SCCPDH: variants seen among roughly 807,000 people sequenced by gnomAD.
SCCPDH encodes saccharopine dehydrogenase (putative).
Under a neutral mutation model 51.5 loss-of-function variants are expected in SCCPDH, and 34 were observed. That is an observed-to-expected ratio of 0.66 (90% CI 0.50 to 0.88). SCCPDH has a LOEUF of 0.88. SCCPDH is among the 40% of genes least tolerant of loss of function. The pLI, the probability that SCCPDH is intolerant of heterozygous loss-of-function variation, is 0.00. For synonymous variants in SCCPDH, 187 were observed against 191.3 expected, an observed-to-expected ratio of 0.98 and a Z score of 0.19; for missense variants, 464 against 527.1, an observed-to-expected ratio of 0.88 and a Z score of 1.17.
intron 3 of SCCPDH, 40 bp from the exon 4 acceptor site, chr1:246,740,132 T>C: frequency 6.7e-7 from 1 of 1,493,010 alleles, no homozygotes; most frequent in Non-Finnish European, 9.1e-7. Context: ...TCTACATCTT[T>C]CTGCATAACT....
At chr1:246,726,683 C>T (rs537029578) in intron 1 of SCCPDH, among the ~76,000 whole-genome samples, 5 of 152,238 alleles carry the variant, frequency 3.3e-5, no homozygotes, top group African/African-American at 9.6e-5. Flanking sequence ...TTTTTAGTAA[C>T]TCTTAGTGTT....
chr1:246,759,903 C>G, intron 7 of SCCPDH, 54 bp from the exon 8 acceptor site: 2 of 1,565,086 alleles, frequency 1.3e-6, no homozygotes, highest in Non-Finnish European at 1.7e-6. Context: ...AACATTCTTA[C>G]TTGGTCCAAA....
chr1:246,758,330 G>T lies in SCCPDH; in HGVS notation c.669G>T (p.Pro223=), dbSNP rs373469030. 1.2e-6 allele frequency: 2 copies of T among 1,605,320 alleles called. No individual in the cohort carries two copies. The highest frequency in any genetic ancestry group is 1.7e-6 in the Non-Finnish European group (2 of 1,176,346). ...LRNVSNLKPV[P]LIGPKLKRRW... is the part of the protein sequence containing the mutation. ...ATGTATCAAATCTGAAACCTGTCCCGCTCATTGGTCCAAAATTGAAGAGAA... is the reference window on the plus strand; with the variant it reads ...ATGTATCAAATCTGAAACCTGTCCCTCTCATTGGTCCAAAATTGAAGAGAA... Residue 223 remains proline (P), a synonymous_variant, in exon 6 of 12, where the codon CCG becomes CCT. Coordinates refer to ENST00000366510, the MANE Select transcript of SCCPDH (RefSeq NM_016002.3).
chr1:246,732,463 C>T (rs187311474), intron 2 of SCCPDH, among the ~76,000 whole-genome samples: 21 of 152,134 alleles, frequency 1.4e-4, no homozygotes, highest in Non-Finnish European at 2.5e-4. Flanking sequence ...TCTAGGCTCA[C>T]TGCAACCTCC....
At position 246,767,343 on chromosome 1, in the gene SCCPDH, C is replaced by G; in HGVS notation, c.*43C>G. The stretch of plus-strand genomic sequence containing the variant: ...TGAAGTCATAACGTGCGTGAATTAA[C>G]AGCTTCTCTATTTGATATTTGAAAT... On this transcript the variant is annotated 3_prime_UTR_variant, in exon 12 of 12. Coordinates refer to ENST00000366510, the MANE Select transcript of SCCPDH (RefSeq NM_016002.3). 8.7e-7 allele frequency: 1 copy of G among 1,152,014 alleles called. No individual in the cohort carries two copies. Among genetic ancestry groups the G allele is most frequent in the Non-Finnish European group, 1.2e-6 (1 of 815,292 alleles). The allele number at this position is 1,152,014 out of a possible 1,614,324, so 71.4% of individuals were successfully genotyped here.
chr1:246,749,419 G>A (rs1668818387), intron 5 of SCCPDH, among the ~76,000 whole-genome samples: 1 of 152,174 alleles, frequency 6.6e-6, no homozygotes, highest in Admixed American at 6.5e-5. Context: ...GAACTTAGAC[G>A]AGGGAGAAGG....
intron 4 of SCCPDH, among the ~76,000 whole-genome samples, chr1:246,742,878 A>G (rs1668701017): frequency 1.3e-5 from 2 of 152,200 alleles, no homozygotes; most frequent in South Asian, 4.1e-4. Context: ...ATGCCTGTAT[A>G]TTAGTCTTCA....
intron 5 of SCCPDH, among the ~76,000 whole-genome samples, chr1:246,754,854 C>A (rs1207644884): frequency 6.6e-6 from 1 of 151,946 alleles, no homozygotes; most frequent in Non-Finnish European, 1.5e-5. Context: ...GTCTGTCTAG[C>A]CAAAATGTGT....
At chr1:246,757,542 A>G (rs1180294427) in intron 5 of SCCPDH, among the ~76,000 whole-genome samples, 4 of 152,142 alleles carry the variant, frequency 2.6e-5, no homozygotes, top group Non-Finnish European at 5.9e-5. Flanking sequence ...AATAAATGAG[A>G]GTCTGAGTAA....
chr1:246,724,522 C>A lies in SCCPDH; in HGVS notation c.100C>A (p.Pro34Thr), dbSNP rs529088598. Reference sequence around the variant, plus strand: ...GGAGGTGGCCCGGGAGCAGGTGGACCCGGAGCGGAGCTCCCGCCTGCCCTG... The same window carrying A: ...GGAGGTGGCCCGGGAGCAGGTGGACACGGAGCGGAGCTCCCGCCTGCCCTG... ...TEEVAREQVD[P>T]ERSSRLPWAV... Residue 34 changes from proline (P) to threonine (T), a missense_variant, in exon 1 of 12, where the codon CCG (proline) becomes ACG (threonine). Physicochemically the swap from Pro to Thr is conservative, Grantham distance 38. Coordinates refer to ENST00000366510, the MANE Select transcript of SCCPDH (RefSeq NM_016002.3). 1 of 1,554,436 alleles carries A rather than the reference C, an allele frequency of 6.4e-7. No individual in the cohort carries two copies. The highest frequency in any genetic ancestry group is 8.7e-7 in the Non-Finnish European group (1 of 1,152,818).
At chr1:246,739,515 A>G (rs1465792095) in intron 3 of SCCPDH, among the ~76,000 whole-genome samples, 3 of 152,320 alleles carry the variant, frequency 2.0e-5, no homozygotes, top group Middle Eastern at 6.8e-3. Context: ...CCTGGAGCAG[A>G]AAAAGGGGTT....
At chr1:246,725,026 T>C (rs1029943156) in intron 1 of SCCPDH, among the ~76,000 whole-genome samples, 2 of 152,148 alleles carry the variant, frequency 1.3e-5, no homozygotes, top group Admixed American at 1.3e-4. Flanking sequence ...CTTTGGTCTC[T>C]TGGAGATCGG....
intron 5 of SCCPDH, among the ~76,000 whole-genome samples, chr1:246,745,269 A>G (rs1668740678): frequency 6.6e-6 from 1 of 152,242 alleles, no homozygotes; most frequent in Non-Finnish European, 1.5e-5. Context: ...TTATGCTGAT[A>G]GTGCCTAACC....
At chr1:246,750,151 G>C (rs1668829176) in intron 5 of SCCPDH, among the ~76,000 whole-genome samples, 1 of 152,110 alleles carries the variant, frequency 6.6e-6, no homozygotes, top group South Asian at 2.1e-4. Context: ...ACTAGGTAGG[G>C]TCCTTCGAAA....
intron 5 of SCCPDH, among the ~76,000 whole-genome samples, chr1:246,753,697 G>A (rs888541289): frequency 2.0e-5 from 3 of 152,068 alleles, no homozygotes; most frequent in Non-Finnish European, 2.9e-5. Context: ...GACTCCCATA[G>A]CAGTTCGACG....
chr1:246,760,602 A>C lies in SCCPDH; in HGVS notation c.990+375A>C, dbSNP rs1668998340. On this transcript the variant is annotated intron_variant, in intron 9 of 11. Transcript: ENST00000366510. ...TTTCCTTTGTGCCTCCTCTGCCCCCAGTTTCACTTCCTCTTCCACATACCC... is the reference window on the plus strand; with the variant it reads ...TTTCCTTTGTGCCTCCTCTGCCCCCCGTTTCACTTCCTCTTCCACATACCC... 2.6e-5 allele frequency among the ~76,000 whole-genome samples: 4 copies of C among 152,028 alleles called. No individual in the cohort carries two copies. In the South Asian group the frequency reaches 8.3e-4, roughly 32 times the overall value.
chr1:246,728,276 G>A (rs1668433060), intron 2 of SCCPDH, among the ~76,000 whole-genome samples: 1 of 152,178 alleles, frequency 6.6e-6, no homozygotes, highest in Non-Finnish European at 1.5e-5. Flanking sequence ...TTTTTGAATT[G>A]CTATTAAATA....
At position 246,761,662 on chromosome 1, in the gene SCCPDH, T is replaced by G. The variant is rs143510121; in HGVS notation, c.990+1435T>G. On this transcript the variant is annotated intron_variant, in intron 9 of 11. Coordinates refer to ENST00000366510, the MANE Select transcript of SCCPDH (RefSeq NM_016002.3). Reference sequence around the variant, plus strand: ...AATGGAATCAGTCTTTGTCTTTTTGTGACTGGCTTATTTCACCTAGCGTAA... The same window carrying G: ...AATGGAATCAGTCTTTGTCTTTTTGGGACTGGCTTATTTCACCTAGCGTAA... Among the ~76,000 whole-genome samples, 1,356 of 152,370 alleles carry G rather than the reference T, an allele frequency of 8.9e-3. 15 individuals are homozygous for G. Among genetic ancestry groups the G allele is most frequent in the African/African-American group, 0.03 (1,258 of 41,584 alleles).
chr1:246,745,329 T>G (rs894399044), intron 5 of SCCPDH, among the ~76,000 whole-genome samples: 10 of 152,250 alleles, frequency 6.6e-5, no homozygotes, highest in Non-Finnish European at 1.5e-4. Context: ...CTAAATTATA[T>G]TCATTCAACA....
Sources: allele counts gnomAD v4.1 joint callset (sites outside exome capture counted in the v4.1 genomes callset), GRCh38; gene constraint gnomAD v4.1.1; transcripts MANE v1.5; gene names NCBI Gene and HGNC (gene_info 2026-07-23, HGNC 2026-07-21).